PRSS12: variants seen among roughly 807,000 people sequenced by gnomAD.
The protein encoded by PRSS12 is serine protease 12, also known as neurotrypsin.
A neutral mutation model predicts 104.4 loss-of-function variants in PRSS12; 85 were observed. That is an observed-to-expected ratio of 0.81 (90% CI 0.68 to 0.98). The LOEUF (loss-of-function observed/expected upper bound fraction) is 0.98, where lower values mean the gene tolerates loss of function less well. PRSS12 is among the 50% of genes least tolerant of loss of function. The pLI, the probability that PRSS12 is intolerant of heterozygous loss-of-function variation, is 0.00. For synonymous variants in PRSS12, 454 were observed against 425.2 expected (o/e 1.07, Z -0.83); for missense variants, 1,141 against 1,139.2 (o/e 1.00, Z -0.02).
intron 3 of PRSS12, among the ~76,000 whole-genome samples, chr4:118,332,204 GA>G (rs1159612838): frequency 6.6e-6 from 1 of 152,024 alleles, no homozygotes; most frequent in African/African-American, 2.4e-5. Context: ...TGGTGGCATT[GA>G]TTTTTTTTTA....
chr4:118,295,985 TC>T, intron 9 of PRSS12, 129 bp from the exon 10 acceptor site: 1 of 824,814 alleles, frequency 1.2e-6, no homozygotes. Context: ...TTAAAATTTT[TC>T]TTGTAACAAA....
At chr4:118,299,712 TAAATAAAATA>T (rs1206224261) in intron 8 of PRSS12, among the ~76,000 whole-genome samples, 1 of 63,812 alleles carries the variant, frequency 1.6e-5, no homozygotes, top group Non-Finnish European at 3.3e-5. Flanking sequence ...ATAAATAAAA[TAAATAAAATA>T]AAATAAAATA....
intron 7 of PRSS12, among the ~76,000 whole-genome samples, chr4:118,310,848 T>TGG (rs1743691246): frequency 6.6e-6 from 1 of 152,094 alleles, no homozygotes; most frequent in Non-Finnish European, 1.5e-5. Context: ...GTCAGGAGTT[T>TGG]GGGGCCAGCC....
chr4:118,339,964 C>T (rs190971244), intron 1 of PRSS12, among the ~76,000 whole-genome samples: 91 of 152,128 alleles, frequency 6.0e-4, no homozygotes, highest in African/African-American at 2.1e-3. Flanking sequence ...TTACTCAGGT[C>T]AAAAGGGCTG....
At chr4:118,306,030 T>C (rs565744659) in intron 8 of PRSS12, 1 of 152,316 alleles carries the variant, frequency 6.6e-6, no homozygotes, top group East Asian at 1.9e-4. Context: ...AGTGCAGATA[T>C]TTCTTTGACA....
In PRSS12 at chr4:118,352,284, C is replaced by G. The variant is rs1269924505; in HGVS notation, c.437G>C (p.Arg146Thr). 6.2e-7 allele frequency: 1 copy of G among 1,608,864 alleles called. No individual in the cohort carries two copies. The highest frequency in any genetic ancestry group is 1.3e-5 in the African/African-American group (1 of 74,898). ...NFCRSPDGAG[R>T]PWCFYGDARG... Reference sequence around the variant, plus strand: ...GGCGTCTCCGTAGAAACACCAGGGTCTGCCCGCGCCGTCGGGGCTCCGACA... The same window carrying G: ...GGCGTCTCCGTAGAAACACCAGGGTGTGCCCGCGCCGTCGGGGCTCCGACA... The change falls in exon 1 of 13, where the codon AGA becomes ACA. Residue 146 changes from arginine (R) to threonine (T), a missense_variant. Arg to Thr is a moderately conservative substitution (Grantham distance 71, BLOSUM62 -1). Transcript: ENST00000296498.
At chr4:118,340,117 G>C (rs1047935525) in intron 1 of PRSS12, among the ~76,000 whole-genome samples, 1 of 152,130 alleles carries the variant, frequency 6.6e-6, no homozygotes. Flanking sequence ...GGCACTTAGA[G>C]GTGAGAAGGA....
chr4:118,341,042 C>A (rs1352699485), intron 1 of PRSS12, among the ~76,000 whole-genome samples: 1 of 152,070 alleles, frequency 6.6e-6, no homozygotes, highest in Non-Finnish European at 1.5e-5. Context: ...AGTTTTTACA[C>A]AGAAAGCTGG....
intron 11 of PRSS12, among the ~76,000 whole-genome samples, chr4:118,287,044 T>C (rs567208845): frequency 6.6e-6 from 1 of 152,320 alleles, no homozygotes; most frequent in South Asian, 2.1e-4. Flanking sequence ...TATATTAAAC[T>C]GAGAATAAAA....
Position 118,352,513 on chromosome 4 carries a change from GCGGGGGGCGCGGGAAGCGCGGGA to G in PRSS12, c.185_207del (p.Leu62ProfsTer109). 3 of 1,450,332 alleles carry G rather than the reference GCGGGGGGCGCGGGAAGCGCGGGA, an allele frequency of 2.1e-6. No individual in the cohort carries two copies. The highest frequency in any genetic ancestry group is 2.7e-6 in the Non-Finnish European group (3 of 1,098,446). 89.8% of individuals were successfully genotyped at this position (1,450,332 alleles called of 1,614,324 possible). A position where few individuals can be genotyped will look rare whatever the true frequency, so the allele number is the denominator to read the frequency against. Reference sequence around the variant, plus strand: ...TGCGGGCGCTGGGCAGGGAGCGCCCGCGGGGGGCGCGGGAAGCGCGGGAGAGGCGGCGGCGGACGCGTCCTCGG... The same window carrying G: ...TGCGGGCGCTGGGCAGGGAGCGCCCGGAGGCGGCGGCGGACGCGTCCTCGG... On this transcript the variant is annotated frameshift_variant, in exon 1 of 13. Transcript: ENST00000296498. LOFTEE classifies it high-confidence loss of function.
chr4:118,282,520 G>T (rs1170214242), intron 12 of PRSS12, among the ~76,000 whole-genome samples: 1 of 152,174 alleles, frequency 6.6e-6, no homozygotes, highest in Non-Finnish European at 1.5e-5. Flanking sequence ...AAGCATATTT[G>T]TGCAGGCTTT....
intron 4 of PRSS12, among the ~76,000 whole-genome samples, chr4:118,325,780 T>C (rs1263790012): frequency 6.6e-6 from 1 of 152,092 alleles, no homozygotes; most frequent in Non-Finnish European, 1.5e-5. Flanking sequence ...CAGCAGTTCA[T>C]CTGTAATAAA....
intron 9 of PRSS12, 115 bp from the exon 10 acceptor site, chr4:118,295,971 C>T: frequency 2.2e-6 from 2 of 926,138 alleles, no homozygotes; most frequent in Non-Finnish European, 1.7e-6. Context: ...CTTTTCTCTG[C>T]AAATTAAAAT....
At chr4:118,322,565 A>G (rs1211746352) in intron 4 of PRSS12, among the ~76,000 whole-genome samples, 1 of 146,194 alleles carries the variant, frequency 6.8e-6, no homozygotes, top group Non-Finnish European at 1.5e-5. Flanking sequence ...AAAAAAAAAA[A>G]TTACAATAAA....
intron 6 of PRSS12, 147 bp downstream of exon 6, chr4:118,316,035 A>AT: frequency 2.2e-6 from 2 of 890,290 alleles, no homozygotes; most frequent in Non-Finnish European, 3.4e-6. Context: ...AGAAAATGTC[A>AT]TTATTTTTCA....
chr4:118,304,175 T>C (rs1743474535), intron 8 of PRSS12, among the ~76,000 whole-genome samples: 1 of 151,856 alleles, frequency 6.6e-6, no homozygotes, highest in African/African-American at 2.4e-5. Context: ...TATGTATGTG[T>C]GTATGTGTGC....
rs376511514 is a variant in PRSS12, at chr4:118,312,332, G to A, written c.1489+869C>T. On this transcript the variant is annotated intron_variant, in intron 7 of 12. Transcript: ENST00000296498. ...AAGGTTAAAAGTAAAGACCACCTAA[G>A]GCTATTTTAACATCTATTCATACAC... is the stretch of plus-strand genomic sequence containing the variant. Among the ~76,000 whole-genome samples the A allele has an allele frequency of 1.1e-4, 16 of 151,920 alleles. 1 individual carries two copies. In the East Asian group the frequency reaches 1.7e-3, roughly 17 times the overall value.
At chr4:118,345,040 T>C (rs112207434) in intron 1 of PRSS12, among the ~76,000 whole-genome samples, 17 of 152,306 alleles carry the variant, frequency 1.1e-4, no homozygotes, top group African/African-American at 2.9e-4. Flanking sequence ...ATTATTCTTC[T>C]GACACCTCAC....
chr4:118,282,340 G>T (rs1323054371), intron 12 of PRSS12, 97 bp from the exon 13 acceptor site: 2 of 1,486,830 alleles, frequency 1.3e-6, no homozygotes, highest in African/African-American at 1.4e-5. Flanking sequence ...TAAAATCCCT[G>T]TTGTGGCATT....
Sources: gnomAD v4.1 joint callset for allele counts (sites outside exome capture counted in the v4.1 genomes callset) on GRCh38, gnomAD v4.1.1 for gene constraint, MANE v1.5 for transcripts, NCBI Gene and HGNC (gene_info 2026-07-23, HGNC 2026-07-21) for gene names.